Variants in FAM13B observed in about 807,000 individuals in gnomAD.
FAM13B encodes the protein protein FAM13B.
A neutral mutation model predicts 117.3 loss-of-function variants in FAM13B; 60 were observed. The observed-to-expected ratio is 0.51, with a 90% CI of 0.42 to 0.63. FAM13B has a LOEUF of 0.63. Among genes scored for constraint, FAM13B ranks in the 30% least tolerant of loss-of-function variants. FAM13B has a pLI of 0.00. For synonymous variants in FAM13B, 332 were observed against 356.1 expected, an observed-to-expected ratio of 0.93 and a Z score of 0.76; for missense variants, 972 against 1,091.9, an observed-to-expected ratio of 0.89 and a Z score of 1.55.
chr5:137,991,937 T>C (rs1013329425), intron 7 of FAM13B, among the ~76,000 whole-genome samples: 6 of 152,184 alleles, frequency 3.9e-5, no homozygotes, highest in African/African-American at 1.4e-4. Context: ...GCAACTTTTT[T>C]TTGAGACAGG....
At chr5:137,969,270 G>GGGCAGACTGCCTCCTCAC (rs1486616137) in intron 10 of FAM13B, among the ~76,000 whole-genome samples, 5 of 152,310 alleles carry the variant, frequency 3.3e-5, no homozygotes, top group Middle Eastern at 3.4e-3. Flanking sequence ...ATCTGAGAAC[G>GGGCAGACTGCCTCCTCAC]GGCAGACTGC....
upstream of FAM13B, among the ~76,000 whole-genome samples, chr5:138,035,859 T>C (rs1328306102): frequency 6.6e-6 from 1 of 152,254 alleles, no homozygotes; most frequent in Non-Finnish European, 1.5e-5. Context: ...GCATGGTAGA[T>C]GCTTAAAGCT....
intron 4 of FAM13B, among the ~76,000 whole-genome samples, chr5:138,015,045 T>A (rs566920727): frequency 6.6e-6 from 1 of 152,336 alleles, no homozygotes; most frequent in Non-Finnish European, 1.5e-5. Flanking sequence ...ACACAATGTA[T>A]AAGCAGTTGG....
chr5:137,982,123 T>C (rs920355910), intron 10 of FAM13B, among the ~76,000 whole-genome samples: 3 of 152,168 alleles, frequency 2.0e-5, no homozygotes, highest in African/African-American at 7.2e-5. Flanking sequence ...CTTAAAAGGA[T>C]CATTCTGGCT....
chr5:138,020,918 G>A, intron 2 of FAM13B, 113 bp downstream of exon 2: 1 of 581,774 alleles, frequency 1.7e-6, no homozygotes, highest in Non-Finnish European at 2.5e-6. Flanking sequence ...TGTATCTGGT[G>A]CCAGCTAAGA....
chr5:138,037,515 C>CA (rs1285498462), upstream of FAM13B, among the ~76,000 whole-genome samples: 1 of 151,674 alleles, frequency 6.6e-6, no homozygotes, highest in Non-Finnish European at 1.5e-5. Context: ...GCTGTCTCTG[C>CA]AGTTACTTTA....
intron 1 of FAM13B, among the ~76,000 whole-genome samples, chr5:138,022,420 G>C (rs1469723425): frequency 6.6e-6 from 1 of 152,130 alleles, no homozygotes; most frequent in African/African-American, 2.4e-5. Flanking sequence ...AGAAGCTTCA[G>C]GTAAGCAGAA....
intron 1 of FAM13B, among the ~76,000 whole-genome samples, chr5:138,029,252 C>G (rs1427106596): frequency 6.6e-6 from 1 of 152,170 alleles, no homozygotes; most frequent in Non-Finnish European, 1.5e-5. Context: ...ACTGAATTAG[C>G]AACTAGAACT....
chr5:137,997,453 G>T (rs1561509986), intron 7 of FAM13B, among the ~76,000 whole-genome samples: 1 of 151,346 alleles, frequency 6.6e-6, no homozygotes, highest in Non-Finnish European at 1.5e-5. Flanking sequence ...TGGACAACAA[G>T]AGCGAAACTC....
intron 10 of FAM13B, among the ~76,000 whole-genome samples, chr5:137,977,199 C>G (rs1774281548): frequency 6.6e-6 from 1 of 152,096 alleles, no homozygotes; most frequent in Non-Finnish European, 1.5e-5. Flanking sequence ...CGAGGAAATT[C>G]CCGCCTAATA....
chr5:137,988,729 G>T (rs1344040102), intron 7 of FAM13B, among the ~76,000 whole-genome samples: 2 of 152,182 alleles, frequency 1.3e-5, no homozygotes, highest in African/African-American at 4.8e-5. Flanking sequence ...CAAAGCCCCT[G>T]CTATTAACAA....
chr5:137,965,155 C>T (rs576824682), intron 10 of FAM13B, among the ~76,000 whole-genome samples: 153 of 152,060 alleles, frequency 1.0e-3, no homozygotes, highest in African/African-American at 3.6e-3. Flanking sequence ...GGTGACAGAG[C>T]GAGCCTCTGT....
At position 137,940,191 on chromosome 5, in the gene FAM13B, T is replaced by A; in HGVS notation, c.*34A>T. On this transcript the variant is annotated 3_prime_UTR_variant, in exon 24 of 24. Coordinates refer to ENST00000689681, the MANE Select transcript of FAM13B (RefSeq NM_001385994.1). Reference sequence around the variant, plus strand: ...CGATGATAGCTTCAAGGAATACAACTGACTTTATGATATGAATTTTCAAGG... The same window carrying A: ...CGATGATAGCTTCAAGGAATACAACAGACTTTATGATATGAATTTTCAAGG... 8.1e-6 allele frequency: 13 copies of A among 1,613,784 alleles called. No homozygotes were observed. Among genetic ancestry groups the A allele is most frequent in the Non-Finnish European group, 1.1e-5 (13 of 1,179,740 alleles).
chr5:137,970,254 C>T (rs937130415), intron 10 of FAM13B, among the ~76,000 whole-genome samples: 12 of 151,862 alleles, frequency 7.9e-5, no homozygotes, highest in Admixed American at 2.0e-4. Flanking sequence ...AGACTAACAG[C>T]GGATCTCTCA....
At chr5:138,009,456 C>A (rs146757815) in intron 6 of FAM13B, among the ~76,000 whole-genome samples, 1,804 of 151,908 alleles carry the variant, frequency 0.012, 21 homozygotes, top group Admixed American at 0.017. Flanking sequence ...TACTTAATAT[C>A]CATCTGGTAA....
At chr5:138,004,636 G>A (rs1372537434) in intron 7 of FAM13B, among the ~76,000 whole-genome samples, 1 of 152,126 alleles carries the variant, frequency 6.6e-6, no homozygotes, top group Non-Finnish European at 1.5e-5. Context: ...ATACACACAA[G>A]TGGCCGGGCA....
chr5:138,010,672 C>G (rs557675687), intron 6 of FAM13B, among the ~76,000 whole-genome samples: 99 of 152,106 alleles, frequency 6.5e-4, no homozygotes, highest in Non-Finnish European at 4.0e-4. Flanking sequence ...ATTTCTCACC[C>G]CTTGCCTATA....
chr5:137,946,898 A>G (rs1463536322), intron 18 of FAM13B, among the ~76,000 whole-genome samples: 1 of 152,172 alleles, frequency 6.6e-6, no homozygotes, highest in Non-Finnish European at 1.5e-5. Flanking sequence ...AAGCTCAACA[A>G]TGTCCATTTG....
upstream of FAM13B, among the ~76,000 whole-genome samples, chr5:138,035,343 A>G (rs1326183585): frequency 3.3e-5 from 5 of 152,012 alleles, no homozygotes; most frequent in Admixed American, 2.6e-4. Flanking sequence ...CCCACAAAGT[A>G]TGGGATCTCA....
Sources: allele counts gnomAD v4.1 joint callset (sites outside exome capture counted in the v4.1 genomes callset), GRCh38; gene constraint gnomAD v4.1.1; transcripts MANE v1.5; gene names NCBI Gene and HGNC (gene_info 2026-07-23, HGNC 2026-07-21).